LDB2: variants seen among roughly 807,000 people sequenced by gnomAD.
The protein encoded by LDB2 is LIM domain binding 2.
In LDB2, 12 loss-of-function variants were observed where a neutral mutation model predicts 44.3. The ratio of observed to expected loss-of-function variants is 0.27; its 90% CI spans 0.17 to 0.44. LDB2 has a LOEUF of 0.44. Ranked by LOEUF, LDB2 falls within the 20% of genes least tolerant of loss-of-function variation. LDB2 has a pLI of 1.00. For missense variants in LDB2, 344 were observed against 473.5 expected, an observed-to-expected ratio of 0.73 and a Z score of 2.54; for synonymous variants, 164 against 174.8, an observed-to-expected ratio of 0.94 and a Z score of 0.49.
chr4:16,683,962 T>A (rs2152571085), intron 2 of LDB2, among the ~76,000 whole-genome samples: 2 of 152,270 alleles, frequency 1.3e-5, no homozygotes, highest in South Asian at 4.1e-4. Context: ...ACACACATCA[T>A]TTATCTCACT....
chr4:16,856,867 T>C (rs529548154), intron 1 of LDB2, among the ~76,000 whole-genome samples: 1 of 152,344 alleles, frequency 6.6e-6, no homozygotes, highest in South Asian at 2.1e-4. Context: ...TGCATGTCAT[T>C]GTAGCATTAT....
In LDB2 at chr4:16,543,140, T is replaced by A. The variant is rs368529347; in HGVS notation, c.616-31036A>T. On this transcript the variant is annotated intron_variant, in intron 5 of 7. Transcript: ENST00000304523. ...TGGCTGCATAGTATTCCATGGTGTA[T>A]ATGTGCCACATTTCCTTAATCCAGT... 1.4e-4 allele frequency among the ~76,000 whole-genome samples: 22 copies of A among 152,272 alleles called. No individual in the cohort carries two copies. The East Asian group carries it at 4.1e-3, about 28-fold the overall frequency.
chr4:16,896,297 T>C (rs556767865), intron 1 of LDB2, among the ~76,000 whole-genome samples: 32 of 152,306 alleles, frequency 2.1e-4, no homozygotes, highest in African/African-American at 5.3e-4. Flanking sequence ...TTCCTGAGTT[T>C]AGCTCTCACA....
intron 1 of LDB2, among the ~76,000 whole-genome samples, chr4:16,803,246 T>C (rs1778192175): frequency 2.0e-5 from 3 of 152,140 alleles, no homozygotes; most frequent in Non-Finnish European, 1.5e-5. Flanking sequence ...AGTTTAAAAG[T>C]CTTTAAGCCT....
At chr4:16,858,556 A>G (rs1310968376) in intron 1 of LDB2, among the ~76,000 whole-genome samples, 2 of 152,148 alleles carry the variant, frequency 1.3e-5, no homozygotes. Context: ...TTCTGATCAG[A>G]TAACAGTTTG....
chr4:16,572,686 T>A (rs968908801), intron 5 of LDB2, among the ~76,000 whole-genome samples: 3 of 152,210 alleles, frequency 2.0e-5, no homozygotes, highest in African/African-American at 7.2e-5. Flanking sequence ...CTGTAACTTA[T>A]GGTTATTCAC....
chr4:16,877,750 T>C (rs1284116901), intron 1 of LDB2, among the ~76,000 whole-genome samples: 4 of 152,222 alleles, frequency 2.6e-5, no homozygotes, highest in African/African-American at 4.8e-5. Flanking sequence ...CCAATATTTG[T>C]TGAGCTTCTA....
At chr4:16,631,324 C>CT (rs1731897456) in intron 2 of LDB2, among the ~76,000 whole-genome samples, 1 of 152,168 alleles carries the variant, frequency 6.6e-6, no homozygotes, top group South Asian at 2.1e-4. Context: ...CAACCTGCTC[C>CT]TGAATGACTA....
chr4:16,539,086 G>T lies in LDB2; in HGVS notation c.616-26982C>A, dbSNP rs187614912. 1.5e-4 allele frequency among the ~76,000 whole-genome samples: 23 copies of T among 151,102 alleles called. No individual in the cohort carries two copies. The East Asian group carries it at 4.5e-3, about 30-fold the overall frequency. On this transcript the variant is annotated intron_variant, in intron 5 of 7. Coordinates refer to ENST00000304523, the MANE Select transcript of LDB2 (RefSeq NM_001290.5). ...GTGTGAATGGTTAAGTGATATGTAG[G>T]CAAAGTTTCACACAAGAGATATGTA...
chr4:16,641,155 G>A (rs1390554295), intron 2 of LDB2, among the ~76,000 whole-genome samples: 1 of 152,154 alleles, frequency 6.6e-6, no homozygotes, highest in Non-Finnish European at 1.5e-5. Flanking sequence ...TCTCTGTGAT[G>A]TATGGACAAT....
chr4:16,817,968 C>A (rs533505245), intron 1 of LDB2, among the ~76,000 whole-genome samples: 1 of 152,156 alleles, frequency 6.6e-6, no homozygotes, highest in South Asian at 2.1e-4. Context: ...CAATTATATT[C>A]CTAAATTTTA....
At position 16,686,696 on chromosome 4, in the gene LDB2, A is replaced by G. The variant is rs562454940; in HGVS notation, c.235+72462T>C. Among the ~76,000 whole-genome samples, 4 of 152,328 alleles carry G rather than the reference A, an allele frequency of 2.6e-5. No individual in the cohort carries two copies. In the East Asian group the frequency reaches 7.7e-4, roughly 29 times the overall value. ...TGTTCTTGACATGGTTACAGAGCCT[A>G]GGATACTGCAGGTGAATTCCACCTG... On this transcript the variant is annotated intron_variant, in intron 2 of 7. Transcript: ENST00000304523.
rs577233055 is a variant in LDB2, at chr4:16,821,861, A to C, written c.133-62601T>G. Among the ~76,000 whole-genome samples, 3 of 151,964 alleles carry C rather than the reference A, an allele frequency of 2.0e-5. No individual in the cohort carries two copies. The East Asian group carries it at 5.8e-4, about 29-fold the overall frequency. ...GTGAAACTAGTGGCCTCTATGATTA[A>C]ATAATGAACGTGAGAGCTGGAAGGA... On this transcript the variant is annotated intron_variant, in intron 1 of 7. Transcript: ENST00000304523.
intron 1 of LDB2, among the ~76,000 whole-genome samples, chr4:16,821,735 C>A: frequency 1.2e-4 from 4 of 34,380 alleles, no homozygotes; most frequent in Admixed American, 4.6e-4. Flanking sequence ...GAAACCATTC[C>A]AACATTAAAG....
chr4:16,731,890 G>A (rs283026), intron 2 of LDB2, among the ~76,000 whole-genome samples: 4 of 151,818 alleles, frequency 2.6e-5, no homozygotes, highest in Admixed American at 6.6e-5. Flanking sequence ...AAAAGCAAAC[G>A]AATGTAAATC....
At position 16,653,363 on chromosome 4, in the gene LDB2, C is replaced by T. The variant is rs114444191; in HGVS notation, c.236-57488G>A. On this transcript the variant is annotated intron_variant, in intron 2 of 7. Coordinates refer to ENST00000304523, the MANE Select transcript of LDB2 (RefSeq NM_001290.5). The stretch of plus-strand genomic sequence containing the variant: ...GGATGAGTTTTACATGTGGCAATAT[C>T]GAGCTGACAATTGGCATTTGGTGAT... Among the ~76,000 whole-genome samples the T allele has an allele frequency of 3.5e-3, 540 of 152,272 alleles. 4 individuals are homozygous for T. Among genetic ancestry groups the T allele is most frequent in the African/African-American group, 0.012 (486 of 41,558 alleles).
chr4:16,567,537 G>A (rs888555786), intron 5 of LDB2, among the ~76,000 whole-genome samples: 2 of 152,126 alleles, frequency 1.3e-5, no homozygotes, highest in African/African-American at 4.8e-5. Context: ...TTGGGAGGCC[G>A]AGGCGGGCGG....
chr4:16,558,991 A>G (rs1323836477), intron 5 of LDB2, among the ~76,000 whole-genome samples: 1 of 152,212 alleles, frequency 6.6e-6, no homozygotes, highest in Non-Finnish European at 1.5e-5. Flanking sequence ...GAGAACTAAA[A>G]TACTTTACAG....
intron 1 of LDB2, among the ~76,000 whole-genome samples, chr4:16,844,321 A>C (rs1418113369): frequency 6.6e-6 from 1 of 151,732 alleles, no homozygotes; most frequent in Non-Finnish European, 1.5e-5. Context: ...AGAAGTAAAA[A>C]CTAAATACCT....
Sources: allele counts gnomAD v4.1 joint callset (sites outside exome capture counted in the v4.1 genomes callset), GRCh38; gene constraint gnomAD v4.1.1; transcripts MANE v1.5; gene names NCBI Gene and HGNC (gene_info 2026-07-23, HGNC 2026-07-21).